Variants in CYFIP1 observed in about 807,000 individuals in gnomAD.
CYFIP1 encodes the protein cytoplasmic FMR1 interacting protein 1.
Under a neutral mutation model 163.5 loss-of-function variants are expected in CYFIP1, and 58 were observed. The observed-to-expected ratio is 0.35, with a 90% CI of 0.29 to 0.44. The LOEUF (loss-of-function observed/expected upper bound fraction) is 0.44. CYFIP1 is among the 20% of genes least tolerant of loss of function. The pLI is 1.00. For synonymous variants in CYFIP1, 663 were observed against 660.7 expected (o/e 1.00, Z -0.05); for missense variants, 1,338 against 1,653.8 (o/e 0.81, Z 3.31).
Position 22,894,285 on chromosome 15 carries a change from T to C in CYFIP1, c.2589-1308A>G, listed in dbSNP as rs867106828. ...ATATTACAGCAGACTTTTCTTTTTTTTTTTTTTTTTTTTTTTTTTCTGAGA... is the reference window on the plus strand; with the variant it reads ...ATATTACAGCAGACTTTTCTTTTTTCTTTTTTTTTTTTTTTTTTTCTGAGA... On this transcript the variant is annotated intron_variant, in intron 22 of 30. Transcript: ENST00000617928. 1.7e-3 allele frequency among the ~76,000 whole-genome samples: 232 copies of C among 139,198 alleles called. 1 individual carries two copies. The highest frequency in any genetic ancestry group is 0.011 in the Middle Eastern group (3 of 284). The allele number at this position is 139,198 out of a possible 152,430, so 91.3% of individuals were successfully genotyped here. A position where few individuals can be genotyped will look rare whatever the true frequency, so the allele number is the denominator to read the frequency against.
At chr15:22,880,402 G>A (rs1413159959) in intron 25 of CYFIP1, among the ~76,000 whole-genome samples, 3 of 152,138 alleles carry the variant, frequency 2.0e-5, no homozygotes, top group East Asian at 1.9e-4. Flanking sequence ...ATCTCTCTTC[G>A]CAGGCATGGA....
Position 22,918,781 on chromosome 15 carries a change from G to A in CYFIP1, c.1437C>T (p.Thr479=), listed in dbSNP as rs772577039. The A allele has an allele frequency of 6.8e-6, 11 of 1,613,140 alleles. No homozygotes were observed. The highest frequency in any genetic ancestry group is 6.7e-5 in the African/African-American group (5 of 74,880). Reference sequence around the variant, plus strand: ...AGAAGTCCTGCAGTGCGGCATAGACGGTGTGCCGGATGGCGTGGTTGAACA... The same window carrying A: ...AGAAGTCCTGCAGTGCGGCATAGACAGTGTGCCGGATGGCGTGGTTGAACA... ...ESVFNHAIRH[T]VYAALQDFSQ... is the part of the protein sequence containing the mutation. The change falls in exon 14 of 31, where the codon ACC becomes ACT. Residue 479 remains threonine, a synonymous_variant. Coordinates refer to ENST00000617928, the MANE Select transcript of CYFIP1 (RefSeq NM_014608.6).
At chr15:22,952,523 C>G (rs754680937) in intron 1 of CYFIP1, among the ~76,000 whole-genome samples, 32 of 151,620 alleles carry the variant, frequency 2.1e-4, no homozygotes, top group Non-Finnish European at 3.5e-4. Flanking sequence ...GGCATAGTGA[C>G]AGGTGCCTGT....
intron 3 of CYFIP1, chr15:22,946,629 A>G (rs577296109): frequency 1.9e-5 from 7 of 359,850 alleles, no homozygotes; most frequent in Non-Finnish European, 3.3e-5. Context: ...TGGCAGAGCA[A>G]GACTCTGTCT....
chr15:22,931,686 GAAAAAAAAAAA>G (rs766177290), intron 11 of CYFIP1, among the ~76,000 whole-genome samples: 7 of 39,714 alleles, frequency 1.8e-4, no homozygotes, highest in African/African-American at 6.5e-4. Flanking sequence ...ATGTTTTTCT[GAAAAAAAAAAA>G]AAAAAAAAAA....
At chr15:22,916,871 T>C in intron 15 of CYFIP1, 4 of 1,551,918 alleles carry the variant, frequency 2.6e-6, no homozygotes, top group Non-Finnish European at 3.5e-6. Context: ...GAGAAACAAA[T>C]GATGTCTTAC....
intron 16 of CYFIP1, 71 bp downstream of exon 16, chr15:22,916,406 G>A (rs1212245024): frequency 3.3e-5 from 40 of 1,203,474 alleles, no homozygotes; most frequent in East Asian, 7.0e-5. Context: ...TCAGGCGGGC[G>A]GAAGCATTCT....
intron 22 of CYFIP1, among the ~76,000 whole-genome samples, chr15:22,894,875 A>G (rs960474029): frequency 9.3e-6 from 1 of 107,732 alleles, no homozygotes; most frequent in African/African-American, 3.1e-5. Context: ...ATATATATAT[A>G]TATTTTTTTT....
At chr15:22,979,660 C>T (rs2063401304) in intron 1 of CYFIP1, among the ~76,000 whole-genome samples, 1 of 152,176 alleles carries the variant, frequency 6.6e-6, no homozygotes, top group Non-Finnish European at 1.5e-5. Flanking sequence ...TAAGCTCACG[C>T]ATTTCAGCCT....
intron 9 of CYFIP1, among the ~76,000 whole-genome samples, chr15:22,935,414 A>T (rs2061681502): frequency 6.6e-6 from 1 of 152,244 alleles, no homozygotes. Context: ...TACCACGCGC[A>T]GAAGTCAGTT....
intron 1 of CYFIP1, among the ~76,000 whole-genome samples, chr15:22,961,554 A>AT (rs1276333890): frequency 1.3e-5 from 2 of 151,522 alleles, no homozygotes; most frequent in African/African-American, 2.4e-5. Context: ...AATTTTTTTG[A>AT]TTTTTTGTAG....
rs1486160282 is a variant in CYFIP1 at position 22,910,611 on chromosome 15, C to T, written c.2177G>A (p.Arg726Gln). The change falls in exon 20 of 31, where the codon CGG becomes CAG. Residue 726 changes from arginine to glutamine, a missense_variant. Physicochemically the swap from Arg to Gln is conservative, Grantham distance 43 (BLOSUM62 1). Coordinates refer to ENST00000617928, the MANE Select transcript of CYFIP1 (RefSeq NM_014608.6). ...CTGATTCTTGCATTCTGATCGTAACCGTTTATCAAGAAGCAAACTAGTGTA... is the reference window on the plus strand; with the variant it reads ...CTGATTCTTGCATTCTGATCGTAACTGTTTATCAAGAAGCAAACTAGTGTA... Reference protein sequence around the residue: ...VMAGSLLLDKRLRSECKNQGA... With the variant: ...VMAGSLLLDKQLRSECKNQGA... 3.1e-6 allele frequency: 5 copies of T among 1,613,980 alleles called. No homozygotes were observed. Among genetic ancestry groups the T allele is most frequent in the Admixed American group, 1.7e-5 (1 of 59,994 alleles).
chr15:22,971,634 C>A (rs2063098554), intron 1 of CYFIP1, among the ~76,000 whole-genome samples: 1 of 143,564 alleles, frequency 7.0e-6, no homozygotes, highest in African/African-American at 3.0e-5. Flanking sequence ...CAAGATTGCG[C>A]CATTGCACTC....
intron 30 of CYFIP1, among the ~76,000 whole-genome samples, chr15:22,872,118 A>T (rs1453156734): frequency 6.6e-6 from 1 of 151,980 alleles, no homozygotes; most frequent in Non-Finnish European, 1.5e-5. Context: ...AGTCTCTACT[A>T]AAAATACAAA....
Position 22,970,784 on chromosome 15 carries a change from A to G in CYFIP1, c.-7+9503T>C, listed in dbSNP as rs569555385. ...ACCATTACCTTATATAATATACAGA[A>G]AAGTTAATTTGGCCTGGCGTGGTGG... is the stretch of plus-strand genomic sequence containing the variant. On this transcript the variant is annotated intron_variant, in intron 1 of 30. Coordinates refer to ENST00000617928, the MANE Select transcript of CYFIP1 (RefSeq NM_014608.6). Among the ~76,000 whole-genome samples the G allele has an allele frequency of 2.0e-5, 3 of 152,328 alleles. No homozygotes were observed. In the South Asian group the frequency reaches 6.2e-4, roughly 32 times the overall value.
Position 22,868,987 on chromosome 15 carries a change from C to G in CYFIP1, c.*1041G>C, listed in dbSNP as rs1055520471. ...TGCCTTAGTACTTTTTAAAATATGG[C>G]TTTAGTTTCTCAAACATGTTCGTGA... On this transcript the variant is annotated 3_prime_UTR_variant, in exon 31 of 31. Transcript: ENST00000617928. 6.6e-6 allele frequency: 1 copy of G among 152,140 alleles called. No homozygotes were observed. The highest frequency in any genetic ancestry group is 1.5e-5 in the Non-Finnish European group (1 of 68,010). The allele number at this position is 152,140 out of a possible 1,614,324, so 9.4% of individuals were successfully genotyped here. A position where few individuals can be genotyped will look rare whatever the true frequency, so the allele number is the denominator to read the frequency against.
At chr15:22,870,350 TCTCA>T (rs1456415519) in intron 30 of CYFIP1, among the ~76,000 whole-genome samples, 158 bp from the exon 31 acceptor site, 2 of 151,568 alleles carry the variant, frequency 1.3e-5, no homozygotes, top group Non-Finnish European at 1.5e-5. Context: ...TAAGATAGGG[TCTCA>T]CTCTGACGCC....
intron 16 of CYFIP1, among the ~76,000 whole-genome samples, chr15:22,916,028 C>T (rs907536507): frequency 1.3e-5 from 2 of 152,162 alleles, no homozygotes; most frequent in Non-Finnish European, 2.9e-5. Context: ...ACGGGACAGA[C>T]ACACGGAGGG....
intron 1 of CYFIP1, among the ~76,000 whole-genome samples, chr15:22,962,292 G>C (rs966312998): frequency 4.6e-5 from 7 of 152,028 alleles, no homozygotes; most frequent in Non-Finnish European, 7.4e-5. Flanking sequence ...ACACCGAAAG[G>C]CAGAGTCCTG....
Sources: allele counts gnomAD v4.1 joint callset (sites outside exome capture counted in the v4.1 genomes callset), GRCh38; gene constraint gnomAD v4.1.1; transcripts MANE v1.5; gene names NCBI Gene and HGNC (gene_info 2026-07-23, HGNC 2026-07-21).